The following SLC35F4 variants were observed in gnomAD, a reference collection of about 807,000 sequenced individuals.
The protein encoded by SLC35F4 is solute carrier family 35 member F4, also known as chromosome 14 open reading frame 36.
In SLC35F4, 24 loss-of-function variants were observed where a neutral mutation model predicts 44.2. The observed-to-expected ratio is 0.54, with a 90% confidence interval of 0.39 to 0.76. The LOEUF (loss-of-function observed/expected upper bound fraction) is 0.76, where lower values mean the gene tolerates loss of function less well. Among genes scored for constraint, SLC35F4 ranks in the 30% least tolerant of loss-of-function variants. The probability of loss-of-function intolerance (pLI) is 0.00; values close to 1 mark genes in which losing one functional copy is unlikely to be tolerated. For synonymous variants in SLC35F4, 238 were observed against 223.6 expected (o/e 1.06, Z -0.57); for missense variants, 562 against 586.1 (o/e 0.96, Z 0.42).
chr14:57,648,546 A>G (rs77628960), intron 1 of SLC35F4, among the ~76,000 whole-genome samples: 20,192 of 152,176 alleles, frequency 0.13, 1,578 homozygotes, highest in East Asian at 0.22. Context: ...GCAGTGAATT[A>G]CTAGTGGCTG....
At chr14:57,711,226 C>G (rs2140402481) in intron 1 of SLC35F4, among the ~76,000 whole-genome samples, 1 of 152,206 alleles carries the variant, frequency 6.6e-6, no homozygotes, top group Middle Eastern at 3.4e-3. Flanking sequence ...TTGCACTTCT[C>G]CCTGCTGCTA....
chr14:57,609,829 C>T (rs2071385820), intron 1 of SLC35F4, among the ~76,000 whole-genome samples: 1 of 152,170 alleles, frequency 6.6e-6, no homozygotes, highest in Non-Finnish European at 1.5e-5. Flanking sequence ...TCTCCTTTTG[C>T]CATCCTTGCC....
chr14:57,838,493 A>T (rs566563294), intron 1 of SLC35F4, among the ~76,000 whole-genome samples: 1 of 152,314 alleles, frequency 6.6e-6, no homozygotes, highest in African/African-American at 2.4e-5. Context: ...TTTTTCCCAA[A>T]TCAACACATC....
chr14:57,890,803 G>T (rs966501339), intron 1 of SLC35F4, among the ~76,000 whole-genome samples: 1 of 152,176 alleles, frequency 6.6e-6, no homozygotes, highest in Non-Finnish European at 1.5e-5. Context: ...ACCCATAATT[G>T]AATGTCTGTA....
intron 1 of SLC35F4, among the ~76,000 whole-genome samples, chr14:57,764,051 C>T (rs545938676): frequency 5.9e-5 from 9 of 152,190 alleles, no homozygotes; most frequent in East Asian, 3.9e-4. Flanking sequence ...TTTCCTGAGA[C>T]GCCCAAGACA....
chr14:57,639,585 G>C (rs2073144539), intron 1 of SLC35F4, among the ~76,000 whole-genome samples: 1 of 151,874 alleles, frequency 6.6e-6, no homozygotes. Context: ...AAATATCTCA[G>C]AGTGAAGCTC....
At position 57,865,771 on chromosome 14, in the gene SLC35F4, G is replaced by A; in HGVS notation, c.55C>T (p.Arg19Trp). The change falls in exon 1 of 8, where the codon CGG (arginine) becomes TGG (tryptophan). Residue 19 changes from arginine (R) to tryptophan (W), a missense_variant. Transcript: ENST00000556826. ...GVATIEDRIL[R>W]ITGYYGYYPG... ...TAATAGCCATAGTAGCCGGTGATCC[G>A]CAGGATCCGGTCCTCGATAGTGGCC... 6.6e-7 allele frequency: 1 copy of A among 1,523,856 alleles called. No individual in the cohort carries two copies. The highest frequency in any genetic ancestry group is 8.8e-7 in the Non-Finnish European group (1 of 1,141,984). 94.4% of individuals were successfully genotyped at this position (1,523,856 alleles called of 1,614,324 possible). A position where few individuals can be genotyped will look rare whatever the true frequency, so the allele number is the denominator to read the frequency against.
At chr14:57,905,670 T>C (rs1161046698) in intron 1 of SLC35F4, among the ~76,000 whole-genome samples, 1 of 152,166 alleles carries the variant, frequency 6.6e-6, no homozygotes, top group East Asian at 1.9e-4. Flanking sequence ...GTGCTCAGAC[T>C]CAGCTCCAGC....
At chr14:57,794,803 G>A (rs892129880) in intron 1 of SLC35F4, among the ~76,000 whole-genome samples, 8 of 151,946 alleles carry the variant, frequency 5.3e-5, no homozygotes, top group Non-Finnish European at 7.4e-5. Context: ...GAAACGACTC[G>A]AAAATAGGTG....
chr14:57,740,222 T>TA (rs562206108), intron 1 of SLC35F4, among the ~76,000 whole-genome samples: 229 of 152,224 alleles, frequency 1.5e-3, no homozygotes, highest in Non-Finnish European at 2.2e-3. Context: ...AAGAATGATA[T>TA]AAAAAAACCA....
At chr14:57,806,962 GC>G (rs1881400525) in intron 1 of SLC35F4, among the ~76,000 whole-genome samples, 1 of 152,100 alleles carries the variant, frequency 6.6e-6, no homozygotes, top group Non-Finnish European at 1.5e-5. Flanking sequence ...CAATCCCATT[GC>G]CTGCTAATAA....
intron 1 of SLC35F4, among the ~76,000 whole-genome samples, chr14:57,891,897 C>A (rs909417339): frequency 7.1e-6 from 1 of 141,534 alleles, no homozygotes; most frequent in Non-Finnish European, 1.5e-5. Context: ...AAGATTCTTT[C>A]TTAAGAGTCT....
intron 1 of SLC35F4, among the ~76,000 whole-genome samples, chr14:57,606,801 T>A (rs897100728): frequency 2.8e-4 from 42 of 152,184 alleles, no homozygotes; most frequent in Non-Finnish European, 4.3e-4. Context: ...TCTTGATTGG[T>A]AGATTTGACA....
At chr14:57,793,909 A>C (rs1486859194) in intron 1 of SLC35F4, among the ~76,000 whole-genome samples, 1 of 152,162 alleles carries the variant, frequency 6.6e-6, no homozygotes, top group African/African-American at 2.4e-5. Context: ...ATAAAGCCAA[A>C]TACTTACAAC....
Position 57,880,553 on chromosome 14 carries a change from A to T in SLC35F4, n.282+101360T>A, listed in dbSNP as rs185755886. On this transcript the variant is annotated intron_variant and non_coding_transcript_variant, in intron 1 of 1. Coordinates refer to the SLC35F4 transcript ENST00000556568. ...AGGTACATTGATGACAAAGTACCCCATTATATTTTAAATCTAGACATTGAT... is the reference window on the plus strand; with the variant it reads ...AGGTACATTGATGACAAAGTACCCCTTTATATTTTAAATCTAGACATTGAT... 2.0e-5 allele frequency among the ~76,000 whole-genome samples: 3 copies of T among 152,358 alleles called. No homozygotes were observed. In the East Asian group the frequency reaches 5.8e-4, roughly 29 times the overall value.
rs138583898 is a variant in SLC35F4 at position 57,969,192 on chromosome 14, T to C, written n.282+12721A>G. ...GCCCTGGTCCAGTCCATCAAACATA[T>C]CATTCATATTATGCTTAATCAAAGA... On this transcript the variant is annotated intron_variant and non_coding_transcript_variant, in intron 1 of 1. Transcript: ENST00000556568. Among the ~76,000 whole-genome samples the C allele has an allele frequency of 5.8e-3, 879 of 152,288 alleles. 5 individuals are homozygous for C. Among genetic ancestry groups the C allele is most frequent in the Non-Finnish European group, 9.7e-3 (659 of 68,026 alleles).
At chr14:57,943,912 T>A (rs1889961115) in intron 1 of SLC35F4, among the ~76,000 whole-genome samples, 1 of 152,168 alleles carries the variant, frequency 6.6e-6, no homozygotes, top group Admixed American at 6.5e-5. Flanking sequence ...ACTGAACAGT[T>A]TCATTAACAC....
At chr14:57,852,526 T>C (rs1236971135) in intron 1 of SLC35F4, among the ~76,000 whole-genome samples, 1 of 152,240 alleles carries the variant, frequency 6.6e-6, no homozygotes, top group Non-Finnish European at 1.5e-5. Flanking sequence ...TCATGGTTCC[T>C]ACACAGATGT....
chr14:57,836,728 C>G (rs564753606), intron 1 of SLC35F4, among the ~76,000 whole-genome samples: 4 of 152,138 alleles, frequency 2.6e-5, no homozygotes, highest in Non-Finnish European at 5.9e-5. Flanking sequence ...TTGTACTCCC[C>G]TAAGCACCAC....
Sources: gnomAD v4.1 joint callset for allele counts (sites outside exome capture counted in the v4.1 genomes callset) on GRCh38, gnomAD v4.1.1 for gene constraint, MANE v1.5 for transcripts, NCBI Gene and HGNC (gene_info 2026-07-23, HGNC 2026-07-21) for gene names.